The following ACSM2A variants were observed in gnomAD, a reference collection of about 807,000 sequenced individuals.
ACSM2A encodes acyl-coenzyme A synthetase ACSM2A, mitochondrial.
In ACSM2A, 72 loss-of-function variants were observed where a neutral mutation model predicts 76.6. That is an observed-to-expected ratio of 0.94 (90% CI 0.78 to 1.14). ACSM2A has a LOEUF of 1.14. Among genes scored for constraint, ACSM2A ranks in the 50% most tolerant of loss-of-function variants. The pLI is 0.00. For synonymous variants in ACSM2A, 249 were observed against 255.9 expected, an observed-to-expected ratio of 0.97 and a Z score of 0.26; for missense variants, 684 against 708.5, an observed-to-expected ratio of 0.97 and a Z score of 0.39.
rs2013913827 is a variant in ACSM2A at position 20,478,764 on chromosome 16, C to T, written c.1281+87C>T. ...AGGGAGGACAAATGTTCTGAAACTT[C>T]CAAGAGGCACTAGATGTGGAGACAA... On this transcript the variant is annotated intron_variant, in intron 10 of 13. Coordinates refer to ENST00000573854, the MANE Select transcript of ACSM2A (RefSeq NM_001308172.2). 2.1e-5 allele frequency: 31 copies of T among 1,453,670 alleles called. 1 individual carries two copies. In the South Asian group the frequency reaches 4.3e-4, roughly 20 times the overall value. 90.0% of individuals were successfully genotyped at this position (1,453,670 alleles called of 1,614,324 possible).
At chr16:20,467,402 C>A (rs9302387) in intron 3 of ACSM2A, among the ~76,000 whole-genome samples, 95,090 of 151,540 alleles carry the variant, frequency 0.63, 31,954 homozygotes, top group African/African-American at 0.87. Context: ...TGACATGATC[C>A]TCCTCTGTTT....
At chr16:20,458,086 C>T (rs2012302893) in intron 1 of ACSM2A, among the ~76,000 whole-genome samples, 1 of 151,450 alleles carries the variant, frequency 6.6e-6, no homozygotes, top group African/African-American at 2.4e-5. Flanking sequence ...AAAAAAAATA[C>T]TTAGGAATAT....
intron 6 of ACSM2A, among the ~76,000 whole-genome samples, chr16:20,475,013 A>C (rs1417112400): frequency 6.6e-6 from 1 of 152,194 alleles, no homozygotes; most frequent in Admixed American, 6.5e-5. Context: ...TGCTGTGCTC[A>C]GGCAGCTGAT....
intron 1 of ACSM2A, 148 bp downstream of exon 1, chr16:20,451,829 T>G (rs1334863560): frequency 1.4e-5 from 2 of 139,388 alleles, no homozygotes; most frequent in Non-Finnish European, 3.1e-5. Context: ...ACCTGCCAAG[T>G]CTTAGGAGGA....
At chr16:20,452,688 A>T (rs377343098) in intron 1 of ACSM2A, among the ~76,000 whole-genome samples, 1 of 134,040 alleles carries the variant, frequency 7.5e-6, no homozygotes, top group Non-Finnish European at 1.5e-5. Context: ...GTGGTTCTAG[A>T]GGAAAAGAAT....
intron 1 of ACSM2A, among the ~76,000 whole-genome samples, chr16:20,458,197 T>C (rs1169052680): frequency 6.6e-6 from 1 of 151,262 alleles, no homozygotes; most frequent in East Asian, 1.9e-4. Context: ...CATGGATGGG[T>C]AGAATAAATA....
At chr16:20,453,737 C>A (rs2011929534) in intron 1 of ACSM2A, 1 of 125,850 alleles carries the variant, frequency 7.9e-6, no homozygotes, top group Non-Finnish European at 1.6e-5. Context: ...AATTCTTTTC[C>A]CAGCATGGAA....
intron 2 of ACSM2A, among the ~76,000 whole-genome samples, chr16:20,464,194 T>C (rs764047624): frequency 4.6e-5 from 7 of 152,244 alleles, no homozygotes; most frequent in Non-Finnish European, 1.0e-4. Flanking sequence ...CTTTTCCTCA[T>C]CTTTCTGTCT....
chr16:20,471,439 G>T, intron 5 of ACSM2A, 97 bp from the exon 6 acceptor site: 1 of 1,518,982 alleles, frequency 6.6e-7, no homozygotes, highest in Non-Finnish European at 8.9e-7. Flanking sequence ...ACACACCTCT[G>T]CACACACACC....
chr16:20,482,352 G>C (rs201944409), intron 12 of ACSM2A: 1 of 152,042 alleles, frequency 6.6e-6, no homozygotes. Flanking sequence ...GTGCCACAGA[G>C]TTCGCAGTGA....
At chr16:20,465,786 G>A (rs2012959704) in intron 3 of ACSM2A, 59 bp downstream of exon 3, 1 of 1,570,004 alleles carries the variant, frequency 6.4e-7, no homozygotes, top group South Asian at 1.2e-5. Context: ...ACTGATAGCA[G>A]AGAAATGCAG....
At chr16:20,480,387 A>T (rs1234850629) in intron 10 of ACSM2A, among the ~76,000 whole-genome samples, 186 bp from the exon 11 acceptor site, 1 of 152,224 alleles carries the variant, frequency 6.6e-6, no homozygotes, top group Non-Finnish European at 1.5e-5. Flanking sequence ...TAACTTCAAT[A>T]AATGGGAAAG....
At chr16:20,460,424 G>A (rs368208323) in intron 2 of ACSM2A, 133 bp downstream of exon 2, 42,068 of 1,455,892 alleles carry the variant, frequency 0.029, 749 homozygotes, top group Non-Finnish European at 0.032. Context: ...CAAGACACTC[G>A]TCTTCCATGA....
intron 1 of ACSM2A, among the ~76,000 whole-genome samples, chr16:20,452,839 T>C (rs1047193280): frequency 1.3e-5 from 2 of 151,630 alleles, no homozygotes; most frequent in Non-Finnish European, 2.9e-5. Flanking sequence ...TTTAAAGAGT[T>C]ATACAAAATA....
Position 20,471,445 on chromosome 16 carries a change from A to C in ACSM2A, c.741-91A>C, listed in dbSNP as rs556518305. 15 of 1,522,380 alleles carry C rather than the reference A, an allele frequency of 9.9e-6. 1 individual carries two copies. The South Asian group carries it at 1.9e-4, about 20-fold the overall frequency. 94.3% of individuals were successfully genotyped at this position (1,522,380 alleles called of 1,614,324 possible). ...CAGATACACACACACCTCTGCACAC[A>C]CACCTCCCTTTCCTCCCCTACACCT... On this transcript the variant is annotated intron_variant, in intron 5 of 13. Transcript: ENST00000573854.
At position 20,465,525 on chromosome 16, in the gene ACSM2A, G is replaced by A. The variant is rs574859270; in HGVS notation, c.186G>A (p.Lys62=). ...GGCTTCTCTTTCCTCAGGCTGGCAA[G>A]CGACTCCCAAGCCCAGCCCTGTGGT... ...DHWADMEKAG[K]RLPSPALWWV... Residue 62 remains lysine (K), a synonymous_variant, in exon 3 of 14, where the codon AAG becomes AAA. Transcript: ENST00000573854. 1.2e-6 allele frequency: 2 copies of A among 1,613,882 alleles called. No homozygotes were observed. Among genetic ancestry groups the A allele is most frequent in the African/African-American group, 1.3e-5 (1 of 75,036 alleles).
At chr16:20,482,900 T>C (rs922875574) in intron 12 of ACSM2A, 158 bp from the exon 13 acceptor site, 6 of 1,235,842 alleles carry the variant, frequency 4.9e-6, no homozygotes, top group African/African-American at 1.5e-5. Flanking sequence ...GTAACCTCAT[T>C]CATGTCCCCA....
chr16:20,477,010 A>G (rs1347807396), intron 8 of ACSM2A: 1 of 191,552 alleles, frequency 5.2e-6, no homozygotes, highest in Non-Finnish European at 1.0e-5. Flanking sequence ...AAATAAAAGT[A>G]GTATATTTTA....
At chr16:20,458,917 T>TATAC (rs1555497747) in intron 1 of ACSM2A, among the ~76,000 whole-genome samples, 70 of 62,468 alleles carry the variant, frequency 1.1e-3, no homozygotes, top group African/African-American at 6.0e-3. Context: ...TATATATATA[T>TATAC]ATATATATAT....
Sources: allele counts gnomAD v4.1 joint callset (sites outside exome capture counted in the v4.1 genomes callset), GRCh38; gene constraint gnomAD v4.1.1; transcripts MANE v1.5; gene names NCBI Gene and HGNC (gene_info 2026-07-23, HGNC 2026-07-21).